FAT4: variants seen among roughly 807,000 people sequenced by gnomAD.
The protein encoded by FAT4 is protocadherin Fat 4.
FAT4 carries 84 observed loss-of-function variants against 303.9 expected under a neutral mutation model. The observed-to-expected ratio is 0.28, with a 90% CI of 0.23 to 0.33. FAT4 has a LOEUF of 0.33. Ranked by LOEUF, FAT4 falls within the 10% of genes least tolerant of loss-of-function variation. FAT4 has a pLI of 1.00. For missense variants in FAT4, 6,005 were observed against 6,146.8 expected, an observed-to-expected ratio of 0.98 and a Z score of 0.77; for synonymous variants, 2,307 against 2,298.8, an observed-to-expected ratio of 1.00 and a Z score of -0.10.
rs771739760 is a variant in FAT4 at position 125,487,321 on chromosome 4, T to C, written c.12823-24T>C. ...TTAAGCATACCATATTTTAATTGCA[T>C]ACTATTTTTAATATGTTTTACAGAT... is the stretch of plus-strand genomic sequence containing the variant. On this transcript the variant is annotated intron_variant, in intron 16 of 17. Transcript: ENST00000394329. 2.2e-5 allele frequency: 35 copies of C among 1,584,662 alleles called. No homozygotes were observed. The African/African-American group carries it at 4.5e-4, about 20-fold the overall frequency.
chr4:125,323,241 T>C (rs1016552019), intron 2 of FAT4, among the ~76,000 whole-genome samples: 1 of 152,198 alleles, frequency 6.6e-6, no homozygotes, highest in Non-Finnish European at 1.5e-5. Context: ...CTATGGAGAA[T>C]GAGAATAAAT....
rs1235490726 is a variant in FAT4 at position 125,317,257 on chromosome 4, C to G, written c.846C>G (p.Asn282Lys). ...CGGCGGACGCGGACGAGGGCACCAACGCGGACATCCGCTATCGCCTGCAGG... is the reference window on the plus strand; with the variant it reads ...CGGCGGACGCGGACGAGGGCACCAAGGCGGACATCCGCTATCGCCTGCAGG... ...VAAADADEGT[N>K]ADIRYRLQDE... The change falls in exon 2 of 18, where the codon AAC (asparagine) becomes AAG (lysine). Residue 282 changes from asparagine to lysine, a missense_variant. Physicochemically the swap from Asn to Lys is moderately conservative, Grantham distance 94 (BLOSUM62 0). Coordinates refer to ENST00000394329, the MANE Select transcript of FAT4 (RefSeq NM_001291303.3). This position sits in a 1 kb window ranked among gnomAD's most constrained non-coding sequence, Gnocchi z 7.0. The G allele has an allele frequency of 1.8e-5, 29 of 1,579,280 alleles. No individual in the cohort carries two copies. Among genetic ancestry groups the G allele is most frequent in the Non-Finnish European group, 2.5e-5 (29 of 1,160,404 alleles).
chr4:125,401,721 G>T (rs779937855), intron 3 of FAT4, among the ~76,000 whole-genome samples: 2 of 107,384 alleles, frequency 1.9e-5, no homozygotes, highest in East Asian at 2.7e-4. Flanking sequence ...ACATGATTCC[G>T]TTTGTCTCTT....
At position 125,490,738 on chromosome 4, in the gene FAT4, A is replaced by G. The variant is rs1225897700; in HGVS notation, c.13922A>G (p.Tyr4641Cys). 6.2e-7 allele frequency: 1 copy of G among 1,614,066 alleles called. No homozygotes were observed. The highest frequency in any genetic ancestry group is 8.5e-7 in the Non-Finnish European group (1 of 1,180,026). ...TCGGATGCAGACATCATTCAACACT[A>G]CAAGCAGTTCCGCAGCCACACACCA... ...APSDADIIQHYKQFRSHTPKF... is the reference protein window; with the variant it reads ...APSDADIIQHCKQFRSHTPKF... The change falls in exon 18 of 18, where the codon TAC becomes TGC. Residue 4641 changes from tyrosine (Y) to cysteine (C), a missense_variant. Physicochemically the swap from Tyr to Cys is radical, Grantham distance 194 (BLOSUM62 -2). Transcript: ENST00000394329.
intron 2 of FAT4, among the ~76,000 whole-genome samples, chr4:125,340,038 A>G (rs1553716): frequency 0.051 from 7,772 of 152,198 alleles, 217 homozygotes; most frequent in Middle Eastern, 0.075. Flanking sequence ...CAGGATTTTA[A>G]TCAAATGAAT....
intron 11 of FAT4, among the ~76,000 whole-genome samples, chr4:125,467,490 G>T (rs1040804190): frequency 6.6e-6 from 1 of 152,130 alleles, no homozygotes; most frequent in Non-Finnish European, 1.5e-5. Context: ...TGTGGGAAAA[G>T]AATTTTGGCA....
At chr4:125,430,698 A>C (rs1725255808) in intron 7 of FAT4, among the ~76,000 whole-genome samples, 1 of 152,054 alleles carries the variant, frequency 6.6e-6, no homozygotes, top group Non-Finnish European at 1.5e-5. Flanking sequence ...GTGCTTATGA[A>C]GTGGGTTGTG....
intron 2 of FAT4, among the ~76,000 whole-genome samples, chr4:125,384,500 T>C (rs1277431555): frequency 6.6e-6 from 1 of 152,172 alleles, no homozygotes; most frequent in South Asian, 2.1e-4. Context: ...CATTTTAAAT[T>C]GGGTTATTTA....
rs542997088 is a variant in FAT4, at chr4:125,463,243, G to A, written c.11801-320G>A. Among the ~76,000 whole-genome samples the A allele has an allele frequency of 6.3e-4, 96 of 152,022 alleles. 2 individuals carry two copies. Among genetic ancestry groups the A allele is most frequent in the African/African-American group, 2.2e-3 (90 of 41,532 alleles). ...TATCTATAAAATATAAAAGATGAAG[G>A]GACATTGACACAGAAAATAAATTCA... On this transcript the variant is annotated intron_variant, in intron 10 of 17. Coordinates refer to ENST00000394329, the MANE Select transcript of FAT4 (RefSeq NM_001291303.3).
In FAT4 at chr4:125,319,115, G is replaced by A. The variant is rs2125942165; in HGVS notation, c.2704G>A (p.Val902Met). ...HFLQAIESVN[V>M]VENWQAGHSI... ...CCTTCAGGCAATAGAGAGTGTAAAT[G>A]TGGTGGAGAATTGGCAGGCAGGTCA... Residue 902 changes from valine to methionine, a missense_variant, in exon 2 of 18, where the codon GTG becomes ATG. By Grantham distance (21) the Val-to-Met change is conservative. Transcript: ENST00000394329. 1.2e-6 allele frequency: 2 copies of A among 1,613,502 alleles called. No homozygotes were observed. Among genetic ancestry groups the A allele is most frequent in the Non-Finnish European group, 1.7e-6 (2 of 1,179,998 alleles).
At chr4:125,381,143 T>C (rs1733524410) in intron 2 of FAT4, among the ~76,000 whole-genome samples, 1 of 152,188 alleles carries the variant, frequency 6.6e-6, no homozygotes, top group Admixed American at 6.5e-5. Context: ...ATCAGTAACA[T>C]GGTATTAAGA....
chr4:125,488,079 T>TG (rs1727473598), intron 17 of FAT4, among the ~76,000 whole-genome samples: 1 of 152,108 alleles, frequency 6.6e-6, no homozygotes, highest in Admixed American at 6.5e-5. Flanking sequence ...TAAAATATAG[T>TG]GAAAAAAGAG....
At position 125,331,538 on chromosome 4, in the gene FAT4, G is replaced by A. The variant is rs2663258; in HGVS notation, c.5175+9952G>A. Among the ~76,000 whole-genome samples, 1,038 of 152,300 alleles carry A rather than the reference G, an allele frequency of 6.8e-3. 13 individuals are homozygous for A. The highest frequency in any genetic ancestry group is 0.024 in the African/African-American group (981 of 41,560). ...AGAAACATTTATGGTGTCTGTGAAG[G>A]AAAGTGGGACCACTAATGCTATAGA... On this transcript the variant is annotated intron_variant, in intron 2 of 17. Transcript: ENST00000394329.
intron 10 of FAT4, among the ~76,000 whole-genome samples, chr4:125,462,364 G>C (rs941298468): frequency 6.6e-6 from 1 of 151,938 alleles, no homozygotes; most frequent in Non-Finnish European, 1.5e-5. Context: ...AAATGCATTA[G>C]TGAAATTGGG....
Position 125,317,166 on chromosome 4 carries a change from G to A in FAT4, c.755G>A (p.Ser252Asn), listed in dbSNP as rs371889798. The A allele has an allele frequency of 1.1e-5, 18 of 1,605,640 alleles. No homozygotes were observed. Among genetic ancestry groups the A allele is most frequent in the Non-Finnish European group, 1.4e-5 (17 of 1,174,124 alleles). The change falls in exon 2 of 18, where the codon AGT becomes AAT. Residue 252 changes from serine to asparagine, a missense_variant. Transcript: ENST00000394329. The surrounding 1 kb of genome is among the most constrained non-coding windows in gnomAD (Gnocchi z 7.0). ...AATGACAACCCCCCGGTTTTTGGCA[G>A]TTCTCACTACCAGGCGGGGGTGCCT... The part of the protein sequence containing the change: ...DINDNPPVFG[S>N]SHYQAGVPED...
intron 13 of FAT4, among the ~76,000 whole-genome samples, 173 bp downstream of exon 13, chr4:125,476,429 T>TA (rs1251393842): frequency 1.3e-5 from 2 of 152,236 alleles, no homozygotes; most frequent in South Asian, 4.1e-4. Flanking sequence ...CAAAATGTGT[T>TA]AAAATGTGTG....
Position 125,321,395 on chromosome 4 carries a change from C to T in FAT4, c.4984C>T (p.Pro1662Ser), listed in dbSNP as rs1361813847. 1 of 1,613,844 alleles carries T rather than the reference C, an allele frequency of 6.2e-7. No individual in the cohort carries two copies. The highest frequency in any genetic ancestry group is 2.2e-5 in the East Asian group (1 of 44,882). ...EAASPRGSEA[P>S]VEYYIVSVRC... ...AGCTAGCCCCAGAGGATCTGAGGCC[C>T]CAGTGGAGTATTATATTGTTTCAGT... Residue 1662 changes from proline (P) to serine (S), a missense_variant, in exon 2 of 18, where the codon CCA (proline) becomes TCA (serine). Coordinates refer to ENST00000394329, the MANE Select transcript of FAT4 (RefSeq NM_001291303.3).
At chr4:125,336,578 T>C (rs1242157927) in intron 2 of FAT4, among the ~76,000 whole-genome samples, 1 of 152,060 alleles carries the variant, frequency 6.6e-6, no homozygotes, top group Non-Finnish European at 1.5e-5. Context: ...TTTAATATTA[T>C]ATTTGAAACA....
At chr4:125,442,042 T>A (rs1486112888) in intron 8 of FAT4, among the ~76,000 whole-genome samples, 1 of 152,146 alleles carries the variant, frequency 6.6e-6, no homozygotes, top group African/African-American at 2.4e-5. Flanking sequence ...GTAAGCTGAG[T>A]ATTGCAACAG....
Sources: gnomAD v4.1 joint callset for allele counts (sites outside exome capture counted in the v4.1 genomes callset) on GRCh38, gnomAD v4.1.1 for gene constraint, Gnocchi (gnomAD v3.1) non-coding constraint, MANE v1.5 for transcripts, NCBI Gene and HGNC (gene_info 2026-07-23, HGNC 2026-07-21) for gene names.